Variants in RABGAP1L observed in about 807,000 individuals in gnomAD.
The protein encoded by RABGAP1L is rab GTPase-activating protein 1-like.
In RABGAP1L, 63 loss-of-function variants were observed where a neutral mutation model predicts 137.7. The observed-to-expected ratio is 0.46, with a 90% CI of 0.37 to 0.56. The LOEUF (loss-of-function observed/expected upper bound fraction) is 0.56. Among genes scored for constraint, RABGAP1L ranks in the 20% least tolerant of loss-of-function variants. RABGAP1L has a pLI of 0.00. For synonymous variants in RABGAP1L, 431 were observed against 433.7 expected, an observed-to-expected ratio of 0.99 and a Z score of 0.08; for missense variants, 1,095 against 1,244.0, an observed-to-expected ratio of 0.88 and a Z score of 1.80.
At chr1:174,466,637 A>G (rs1330380004) in intron 13 of RABGAP1L, among the ~76,000 whole-genome samples, 3 of 152,204 alleles carry the variant, frequency 2.0e-5, no homozygotes, top group Admixed American at 1.3e-4. Context: ...AAATACAAAA[A>G]CTAGCCAGGC....
In RABGAP1L at chr1:174,390,121, A is replaced by G. The variant is rs367755567; in HGVS notation, c.1560-3874A>G. 4.6e-5 allele frequency among the ~76,000 whole-genome samples: 7 copies of G among 152,300 alleles called. No homozygotes were observed. The South Asian group carries it at 1.2e-3, about 27-fold the overall frequency. ...AGCATCTAGCTTAATATTTATTAGTACTTCTCAAGTGATAGGGTGCTGTAT... is the reference window on the plus strand; with the variant it reads ...AGCATCTAGCTTAATATTTATTAGTGCTTCTCAAGTGATAGGGTGCTGTAT... On this transcript the variant is annotated intron_variant, in intron 12 of 25. Coordinates refer to ENST00000681986, the MANE Select transcript of RABGAP1L (RefSeq NM_001366446.1).
intron 13 of RABGAP1L, among the ~76,000 whole-genome samples, chr1:174,534,475 A>G (rs531986010): frequency 4.6e-5 from 7 of 151,938 alleles, no homozygotes; most frequent in African/African-American, 1.7e-4. Context: ...AACTAATAAT[A>G]AAATAGAATA....
chr1:174,832,091 G>A (rs960122048), intron 19 of RABGAP1L, among the ~76,000 whole-genome samples: 2 of 147,342 alleles, frequency 1.4e-5, no homozygotes, highest in African/African-American at 2.5e-5. Context: ...CCAGGAGTTC[G>A]AGACTAGCCT....
At chr1:174,255,947 C>G (rs1673087251) in intron 7 of RABGAP1L, among the ~76,000 whole-genome samples, 1 of 152,176 alleles carries the variant, frequency 6.6e-6, no homozygotes, top group Non-Finnish European at 1.5e-5. Context: ...TGTATGTTTT[C>G]CAAGAATAGG....
chr1:174,738,203 C>T (rs1235497644), intron 17 of RABGAP1L, among the ~76,000 whole-genome samples: 3 of 152,146 alleles, frequency 2.0e-5, no homozygotes, highest in African/African-American at 2.4e-5. Flanking sequence ...AATGGGGTCC[C>T]TGCCACAAGG....
At chr1:174,457,362 AATC>A (rs1165324688) in intron 13 of RABGAP1L, among the ~76,000 whole-genome samples, 5 of 152,180 alleles carry the variant, frequency 3.3e-5, no homozygotes, top group Non-Finnish European at 5.9e-5. Flanking sequence ...ATTAGAGTAA[AATC>A]ATCATTTTAG....
At chr1:174,841,595 T>C (rs1405160571) in intron 19 of RABGAP1L, among the ~76,000 whole-genome samples, 2 of 151,954 alleles carry the variant, frequency 1.3e-5, no homozygotes, top group African/African-American at 2.4e-5. Context: ...CAAAAATTGA[T>C]CAGCTAAATA....
chr1:174,696,265 C>T (rs1269465293), intron 15 of RABGAP1L, among the ~76,000 whole-genome samples: 1 of 151,968 alleles, frequency 6.6e-6, no homozygotes, highest in Non-Finnish European at 1.5e-5. Context: ...ACTCAAGTTG[C>T]AGGACAAAGT....
intron 11 of RABGAP1L, among the ~76,000 whole-genome samples, chr1:174,316,840 G>C (rs890241144): frequency 3.3e-5 from 5 of 152,138 alleles, no homozygotes; most frequent in Admixed American, 6.5e-5. Context: ...CTGCCCCTGA[G>C]CTGGCAGTTG....
At chr1:174,932,855 G>A (rs571174760) in intron 19 of RABGAP1L, among the ~76,000 whole-genome samples, 3 of 152,150 alleles carry the variant, frequency 2.0e-5, no homozygotes, top group Non-Finnish European at 4.4e-5. Flanking sequence ...TATTCTTCAA[G>A]CGTAACTTGC....
intron 14 of RABGAP1L, among the ~76,000 whole-genome samples, chr1:174,678,597 A>G (rs1677818667): frequency 6.6e-6 from 1 of 152,230 alleles, no homozygotes; most frequent in Admixed American, 6.5e-5. Flanking sequence ...ATAAAGAGAA[A>G]GTAATATGAT....
intron 17 of RABGAP1L, among the ~76,000 whole-genome samples, chr1:174,723,005 C>A (rs1265766818): frequency 6.6e-6 from 1 of 152,142 alleles, no homozygotes; most frequent in Non-Finnish European, 1.5e-5. Flanking sequence ...AGGAGGCATG[C>A]TGGAGTGATT....
chr1:174,655,195 C>T (rs888049831), intron 14 of RABGAP1L, among the ~76,000 whole-genome samples: 29 of 152,134 alleles, frequency 1.9e-4, no homozygotes, highest in South Asian at 1.2e-3. Context: ...TCAGTACTAC[C>T]TAATCTATAG....
At chr1:174,895,948 G>GTAT (rs1024988562) in intron 19 of RABGAP1L, among the ~76,000 whole-genome samples, 7 of 152,146 alleles carry the variant, frequency 4.6e-5, no homozygotes, top group African/African-American at 1.7e-4. Flanking sequence ...AATCCTTTGG[G>GTAT]TATATACCCA....
intron 18 of RABGAP1L, among the ~76,000 whole-genome samples, chr1:174,787,044 T>C (rs1687494684): frequency 6.6e-6 from 1 of 152,054 alleles, no homozygotes; most frequent in South Asian, 2.1e-4. Flanking sequence ...GAGTTGTTAT[T>C]GTAGGGTCAT....
intron 19 of RABGAP1L, among the ~76,000 whole-genome samples, chr1:174,896,177 A>G (rs1015714449): frequency 6.6e-5 from 10 of 152,126 alleles, no homozygotes; most frequent in Non-Finnish European, 1.3e-4. Flanking sequence ...TTTGGTTTGC[A>G]TTTCTCTGAT....
intron 11 of RABGAP1L, among the ~76,000 whole-genome samples, chr1:174,338,140 G>T (rs1049539695): frequency 6.6e-6 from 1 of 152,018 alleles, no homozygotes; most frequent in Non-Finnish European, 1.5e-5. Context: ...GTATGATAGG[G>T]TCTCATATCA....
chr1:174,718,837 C>CT (rs11337437), intron 17 of RABGAP1L, among the ~76,000 whole-genome samples: 3,206 of 106,366 alleles, frequency 0.03, 141 homozygotes, highest in African/African-American at 0.091. Context: ...TTTTCTTTTC[C>CT]TTTTTTTTTT....
intron 1 of RABGAP1L, among the ~76,000 whole-genome samples, chr1:174,214,781 C>G (rs1167021697): frequency 6.6e-6 from 1 of 152,072 alleles, no homozygotes; most frequent in Non-Finnish European, 1.5e-5. Flanking sequence ...GAATGGATAT[C>G]CATATACAGA....
Sources: gnomAD v4.1 joint callset for allele counts (sites outside exome capture counted in the v4.1 genomes callset) on GRCh38, gnomAD v4.1.1 for gene constraint, MANE v1.5 for transcripts, NCBI Gene and HGNC (gene_info 2026-07-23, HGNC 2026-07-21) for gene names.